Variants in TNKS observed in about 807,000 individuals in gnomAD.
TNKS encodes tankyrase.
TNKS carries 72 observed loss-of-function variants against 135.8 expected under a neutral mutation model. The observed-to-expected ratio is 0.53, with a 90% CI of 0.44 to 0.64. The LOEUF is 0.64. TNKS is among the 30% of genes least tolerant of loss of function. The probability of loss-of-function intolerance (pLI) is 0.00; values close to 1 mark genes in which losing one functional copy is unlikely to be tolerated. For synonymous variants in TNKS, 849 were observed against 649.3 expected, an observed-to-expected ratio of 1.31 and a Z score of -4.68; for missense variants, 1,769 against 1,674.0, an observed-to-expected ratio of 1.06 and a Z score of -0.99.
At chr8:9,656,323 A>G (rs557547751) in intron 3 of TNKS, among the ~76,000 whole-genome samples, 3 of 152,354 alleles carry the variant, frequency 2.0e-5, no homozygotes, top group African/African-American at 7.2e-5. Flanking sequence ...TCTGCAGGAT[A>G]TTATCCAGGA....
chr8:9,591,566 G>A (rs1448000792), intron 2 of TNKS, among the ~76,000 whole-genome samples: 3 of 152,144 alleles, frequency 2.0e-5, no homozygotes, highest in Non-Finnish European at 4.4e-5. Context: ...TATATTTTTT[G>A]TGAAGTGTGC....
chr8:9,734,274 T>A (rs1464920190), intron 15 of TNKS, among the ~76,000 whole-genome samples: 1 of 152,228 alleles, frequency 6.6e-6, no homozygotes, highest in Non-Finnish European at 1.5e-5. Context: ...CGACCCATAA[T>A]AAAAATTATT....
At position 9,709,971 on chromosome 8, in the gene TNKS, C is replaced by G. The variant is rs1416500888; in HGVS notation, c.1595C>G (p.Ser532Cys). The G allele has an allele frequency of 2.5e-6, 4 of 1,613,738 alleles. No individual in the cohort carries two copies. In the East Asian group the frequency reaches 8.9e-5, roughly 36 times the overall value. The part of the protein sequence containing the change: ...HETALHCAVA[S>C]LHPKRKQVTE... ...ACTTTATAGCACTGTGCTGTGGCCT[C>G]TCTGCATCCCAAACGTAAACAAGTG... is the stretch of plus-strand genomic sequence containing the variant. The change falls in exon 10 of 27, where the codon TCT (serine) becomes TGT (cysteine). Residue 532 changes from serine (S) to cysteine (C), a missense_variant. Transcript: ENST00000310430.
chr8:9,592,654 A>G (rs1353231076), intron 2 of TNKS, among the ~76,000 whole-genome samples: 1 of 152,192 alleles, frequency 6.6e-6, no homozygotes, highest in Non-Finnish European at 1.5e-5. Context: ...TTTCATACGT[A>G]TTCTTATTGT....
chr8:9,766,209 A>G (rs1234248827), intron 24 of TNKS, 30 bp from the exon 25 acceptor site: 1 of 1,580,788 alleles, frequency 6.3e-7, no homozygotes, highest in Non-Finnish European at 8.6e-7. Context: ...AAGTGTTCAA[A>G]AACGAATCTT....
chr8:9,596,465 C>T (rs11984920), intron 2 of TNKS, among the ~76,000 whole-genome samples: 17,663 of 152,048 alleles, frequency 0.12, 1,322 homozygotes, highest in African/African-American at 0.21. Context: ...TTTTAAAAAA[C>T]GTAGTGTCTT....
chr8:9,759,148 C>G (rs1394571253), intron 20 of TNKS, among the ~76,000 whole-genome samples: 1 of 152,152 alleles, frequency 6.6e-6, no homozygotes, highest in Non-Finnish European at 1.5e-5. Context: ...AAGCAAGTCA[C>G]TAGGCCAGCC....
In TNKS at chr8:9,635,931, A is replaced by G. The variant is rs559649755; in HGVS notation, c.994+20254A>G. 6.6e-5 allele frequency among the ~76,000 whole-genome samples: 10 copies of G among 152,370 alleles called. No individual in the cohort carries two copies. In the South Asian group the frequency reaches 1.7e-3, roughly 25 times the overall value. On this transcript the variant is annotated intron_variant, in intron 3 of 26. Coordinates refer to ENST00000310430, the MANE Select transcript of TNKS (RefSeq NM_003747.3). ...AGAGGAGAAAAATGCTATAAAGGCT[A>G]TAATAGGAATGACTGACAAAATTGG...
rs569115391 is a variant in TNKS, at chr8:9,598,388, A to T, written c.899-17194A>T. On this transcript the variant is annotated intron_variant, in intron 2 of 26. Coordinates refer to ENST00000310430, the MANE Select transcript of TNKS (RefSeq NM_003747.3). ...CTTAGGAGACTAAAATTGAAAGCAG[A>T]ATCAAATTATTACTATTATGGTACA... Among the ~76,000 whole-genome samples the T allele has an allele frequency of 1.0e-3, 159 of 152,286 alleles. 1 individual carries two copies. The highest frequency in any genetic ancestry group is 3.7e-3 in the African/African-American group (153 of 41,572).
At chr8:9,644,951 A>C (rs77146549) in intron 3 of TNKS, among the ~76,000 whole-genome samples, 1 of 152,158 alleles carries the variant, frequency 6.6e-6, no homozygotes, top group African/African-American at 2.4e-5. Context: ...CTATAGGCCA[A>C]TGTAAGTCTT....
At chr8:9,597,919 G>C (rs766315757) in intron 2 of TNKS, among the ~76,000 whole-genome samples, 17 of 152,320 alleles carry the variant, frequency 1.1e-4, no homozygotes, top group Non-Finnish European at 1.9e-4. Context: ...ATAGGATAAT[G>C]TGTCAAATCC....
intron 3 of TNKS, among the ~76,000 whole-genome samples, chr8:9,616,927 T>C (rs532709286): frequency 9.2e-5 from 14 of 152,274 alleles, no homozygotes; most frequent in African/African-American, 3.4e-4. Flanking sequence ...TGGGCAACAA[T>C]AGCAGCTTTA....
chr8:9,751,498 A>C (rs1806529280), intron 18 of TNKS, 111 bp from the exon 19 acceptor site: 4 of 886,848 alleles, frequency 4.5e-6, no homozygotes, highest in Middle Eastern at 3.4e-4. Context: ...AGTAGGTGAT[A>C]ATGAGGCATT....
chr8:9,682,714 A>G (rs192190867), intron 5 of TNKS, among the ~76,000 whole-genome samples: 238 of 152,222 alleles, frequency 1.6e-3, no homozygotes, highest in African/African-American at 5.3e-3. Context: ...ACATAATTTT[A>G]TCCTCTGAGT....
At chr8:9,617,202 A>C (rs1799677549) in intron 3 of TNKS, among the ~76,000 whole-genome samples, 1 of 152,238 alleles carries the variant, frequency 6.6e-6, no homozygotes, top group African/African-American at 2.4e-5. Context: ...AGGGGAGATT[A>C]TATTGGATGT....
At chr8:9,733,865 G>T (rs1052365272) in intron 15 of TNKS, among the ~76,000 whole-genome samples, 1 of 151,924 alleles carries the variant, frequency 6.6e-6, no homozygotes, top group Admixed American at 6.6e-5. Context: ...AGAACTTATT[G>T]TAGTATCAGA....
At position 9,740,108 on chromosome 8, in the gene TNKS, C is replaced by G. The variant is rs375831857; in HGVS notation, c.2643+4622C>G. 4.7e-4 allele frequency among the ~76,000 whole-genome samples: 68 copies of G among 144,504 alleles called. 2 individuals carry two copies. The highest frequency in any genetic ancestry group is 3.0e-3 in the East Asian group (14 of 4,710). The allele number at this position is 144,504 out of a possible 152,430, so 94.8% of individuals were successfully genotyped here. ...AAGTCCAGAGTTATCCTTTCAAACA[C>G]TGTCATCAGTTGTAAGAGGAAGAGA... is the stretch of plus-strand genomic sequence containing the variant. On this transcript the variant is annotated intron_variant, in intron 17 of 26. Transcript: ENST00000310430.
At chr8:9,658,759 T>C (rs1801549185) in intron 3 of TNKS, among the ~76,000 whole-genome samples, 1 of 152,202 alleles carries the variant, frequency 6.6e-6, no homozygotes, top group Non-Finnish European at 1.5e-5. Context: ...ATAAATGGGC[T>C]AAATGCTCCA....
intron 21 of TNKS, among the ~76,000 whole-genome samples, chr8:9,762,882 G>A (rs1224644644): frequency 1.3e-5 from 2 of 149,516 alleles, no homozygotes; most frequent in African/African-American, 2.5e-5. Context: ...TCCAGCCTGG[G>A]CGACAGAGCG....
Sources: allele counts gnomAD v4.1 joint callset (sites outside exome capture counted in the v4.1 genomes callset), GRCh38; gene constraint gnomAD v4.1.1; transcripts MANE v1.5; gene names NCBI Gene and HGNC (gene_info 2026-07-23, HGNC 2026-07-21).